SP4: variants seen among roughly 807,000 people sequenced by gnomAD.
The protein encoded by SP4 is Sp4 transcription factor, also known as transcription factor Sp4.
SP4 carries 19 observed loss-of-function variants against 72.8 expected under a neutral mutation model. The observed-to-expected ratio is 0.26, with a 90% CI of 0.18 to 0.38. The LOEUF (loss-of-function observed/expected upper bound fraction) is 0.38, where lower values mean the gene tolerates loss of function less well. Ranked by LOEUF, SP4 falls within the 10% of genes least tolerant of loss-of-function variation. The pLI is 1.00. For synonymous variants in SP4, 395 were observed against 333.1 expected (o/e 1.19, Z -2.02); for missense variants, 1,008 against 926.3 (o/e 1.09, Z -1.14).
chr7:21,502,615 C>A (rs551389933), intron 5 of SP4, among the ~76,000 whole-genome samples: 1 of 152,132 alleles, frequency 6.6e-6, no homozygotes, highest in Non-Finnish European at 1.5e-5. Context: ...TTGTTGAGGG[C>A]TTGTACCAAA....
chr7:21,462,027 GTTTTTT>G (rs773196151), intron 3 of SP4, among the ~76,000 whole-genome samples: 1 of 132,822 alleles, frequency 7.5e-6, no homozygotes, highest in Non-Finnish European at 1.6e-5. Flanking sequence ...TTTAGTTTTA[GTTTTTT>G]TTTTTTTTTT....
chr7:21,455,888 C>T (rs1282030810), intron 3 of SP4, among the ~76,000 whole-genome samples: 1 of 152,154 alleles, frequency 6.6e-6, no homozygotes, highest in African/African-American at 2.4e-5. Flanking sequence ...TTTCCGTGTT[C>T]TTTAAGTAGA....
chr7:21,498,185 T>C (rs1781772835), intron 5 of SP4, among the ~76,000 whole-genome samples: 1 of 151,966 alleles, frequency 6.6e-6, no homozygotes, highest in Admixed American at 6.6e-5. Flanking sequence ...TTTGAAAAAA[T>C]AAAAACTGTA....
intron 3 of SP4, among the ~76,000 whole-genome samples, chr7:21,452,824 C>G (rs577556009): frequency 6.7e-4 from 101 of 151,194 alleles, no homozygotes; most frequent in African/African-American, 2.4e-3. Flanking sequence ...ACTCTGTCAC[C>G]CAGGCTGGAG....
At chr7:21,432,094 T>C (rs1782879011) in intron 3 of SP4, among the ~76,000 whole-genome samples, 2 of 152,236 alleles carry the variant, frequency 1.3e-5, no homozygotes, top group Admixed American at 1.3e-4. Flanking sequence ...CCTAGCTACA[T>C]GTGGCTGTTA....
At chr7:21,504,858 C>T (rs1192793114) in intron 5 of SP4, among the ~76,000 whole-genome samples, 4 of 152,166 alleles carry the variant, frequency 2.6e-5, no homozygotes, top group African/African-American at 4.8e-5. Context: ...ACTGCTTGCA[C>T]GTATTTGGGC....
intron 3 of SP4, among the ~76,000 whole-genome samples, chr7:21,431,763 A>T (rs977560645): frequency 5.9e-5 from 9 of 152,202 alleles, no homozygotes; most frequent in African/African-American, 2.2e-4. Context: ...GATTTGATGA[A>T]AACCTCGTTG....
intron 5 of SP4, chr7:21,482,591 C>A (rs1784716201): frequency 1.1e-6 from 1 of 895,926 alleles, no homozygotes; most frequent in Non-Finnish European, 1.3e-6. Flanking sequence ...ATTATATTTT[C>A]TGCTTTTTTT....
intron 3 of SP4, among the ~76,000 whole-genome samples, chr7:21,466,883 T>A (rs2128404751): frequency 6.6e-6 from 1 of 152,304 alleles, no homozygotes; most frequent in South Asian, 2.1e-4. Flanking sequence ...TATGTAGCTC[T>A]CTTTTCAAAG....
chr7:21,459,427 T>C (rs1237719913), intron 3 of SP4, among the ~76,000 whole-genome samples: 1 of 152,174 alleles, frequency 6.6e-6, no homozygotes, highest in Non-Finnish European at 1.5e-5. Context: ...GAAATTCTTA[T>C]ACCCACCCAC....
rs1782790566 is a variant in SP4 at position 21,430,173 on chromosome 7, C to T, written c.1008C>T (p.Asp336=). The T allele has an allele frequency of 6.2e-7, 1 of 1,614,222 alleles. No homozygotes were observed. The highest frequency in any genetic ancestry group is 1.1e-5 in the South Asian group (1 of 91,088). ...CTTCAACGTCTTTGACAAGCAGTGA[C>T]ACATTAGTGAGCTCAGCAGATACTG... The part of the protein sequence containing the change: ...TTASTSLTSS[D]TLVSSADTGQ... The change falls in exon 3 of 6, where the codon GAC becomes GAT. Residue 336 remains aspartate (D), a synonymous_variant. Coordinates refer to ENST00000222584, the MANE Select transcript of SP4 (RefSeq NM_003112.5).
At chr7:21,500,827 A>C (rs1165573089) in intron 5 of SP4, among the ~76,000 whole-genome samples, 1 of 152,212 alleles carries the variant, frequency 6.6e-6, no homozygotes, top group Non-Finnish European at 1.5e-5. Context: ...TCCCTATATT[A>C]AGCTCCATAA....
In SP4 at chr7:21,513,486, G is replaced by C. The variant is rs1782197961; in HGVS notation, c.*2217G>C. ...GGTTTGTTGTTTTGTTTGGTACAGAGGAGCATTTGGTAGTGTTCATTTTAA... is the reference window on the plus strand; with the variant it reads ...GGTTTGTTGTTTTGTTTGGTACAGACGAGCATTTGGTAGTGTTCATTTTAA... On this transcript the variant is annotated 3_prime_UTR_variant, in exon 6 of 6. Transcript: ENST00000222584. 1 of 152,568 alleles carries C rather than the reference G, an allele frequency of 6.6e-6. No individual in the cohort carries two copies. Among genetic ancestry groups the C allele is most frequent in the Non-Finnish European group, 1.5e-5 (1 of 68,008 alleles). The allele number at this position is 152,568 out of a possible 1,614,324, so 9.5% of individuals were successfully genotyped here. A position where few individuals can be genotyped will look rare whatever the true frequency, so the allele number is the denominator to read the frequency against.
chr7:21,498,230 A>G (rs1781773725), intron 5 of SP4, among the ~76,000 whole-genome samples: 1 of 152,150 alleles, frequency 6.6e-6, no homozygotes, highest in Non-Finnish European at 1.5e-5. Context: ...TATAACAACT[A>G]TTTATATTAG....
intron 5 of SP4, among the ~76,000 whole-genome samples, chr7:21,492,786 T>G (rs1244367012): frequency 6.6e-6 from 1 of 152,182 alleles, no homozygotes; most frequent in Non-Finnish European, 1.5e-5. Context: ...AAAGAGAGTA[T>G]CTGAATAACA....
rs1332273854 is a variant in SP4 at position 21,514,541 on chromosome 7, A to AAG, written c.*3273_*3274insGA. On this transcript the variant is annotated 3_prime_UTR_variant, in exon 6 of 6. Coordinates refer to ENST00000222584, the MANE Select transcript of SP4 (RefSeq NM_003112.5). ...TGTAAATTTTTTTTGTAAAAAAAAA[A>AAG]AAATGAAAAAAAAAGATGAATCCAG... is the stretch of plus-strand genomic sequence containing the variant. 1.3e-5 allele frequency: 2 copies of AAG among 151,868 alleles called. No individual in the cohort carries two copies. Among genetic ancestry groups the AAG allele is most frequent in the Non-Finnish European group, 2.9e-5 (2 of 67,858 alleles). The allele number at this position is 151,868 out of a possible 1,614,324, so 9.4% of individuals were successfully genotyped here.
chr7:21,440,446 A>G (rs1783205469), intron 3 of SP4, among the ~76,000 whole-genome samples: 1 of 152,214 alleles, frequency 6.6e-6, no homozygotes, highest in Non-Finnish European at 1.5e-5. Context: ...CTTGAGTTAT[A>G]TGTCAGAGGT....
rs906063171 is a variant in SP4 at position 21,498,524 on chromosome 7, TA to T, written c.2108-12497del. ...AGGGACTGATAGACTGGGAGTAAGG[TA>T]GGGGTGTTTCAGGAACTACATGGCT... On this transcript the variant is annotated intron_variant, in intron 5 of 5. Transcript: ENST00000222584. Among the ~76,000 whole-genome samples the T allele has an allele frequency of 1.8e-4, 28 of 151,694 alleles. 1 individual carries two copies. The highest frequency in any genetic ancestry group is 1.6e-3 in the Admixed American group (25 of 15,208).
intron 3 of SP4, among the ~76,000 whole-genome samples, chr7:21,452,367 A>T (rs1193557044): frequency 6.6e-6 from 1 of 152,332 alleles, no homozygotes; most frequent in East Asian, 1.9e-4. Flanking sequence ...TTAAAACCTT[A>T]AGCCCAGCTA....
Sources: gnomAD v4.1 joint callset for allele counts (sites outside exome capture counted in the v4.1 genomes callset) on GRCh38, gnomAD v4.1.1 for gene constraint, MANE v1.5 for transcripts, NCBI Gene and HGNC (gene_info 2026-07-23, HGNC 2026-07-21) for gene names.